The following DCC variants were observed in gnomAD, a reference collection of about 807,000 sequenced individuals.
DCC encodes the protein netrin receptor DCC.
DCC carries 58 observed loss-of-function variants against 172.5 expected under a neutral mutation model. That is an observed-to-expected ratio of 0.34 (90% CI 0.27 to 0.42). The LOEUF is 0.42. DCC is among the 10% of genes least tolerant of loss of function. DCC has a pLI of 1.00. For missense variants in DCC, 1,740 were observed against 1,791.0 expected (o/e 0.97, Z 0.51); for synonymous variants, 709 against 644.5 (o/e 1.10, Z -1.52).
intron 2 of DCC, among the ~76,000 whole-genome samples, chr18:52,904,725 T>G (rs1017134846): frequency 6.6e-6 from 1 of 152,204 alleles, no homozygotes; most frequent in Non-Finnish European, 1.5e-5. Context: ...ATATGATTAG[T>G]AAAACTTGAC....
chr18:53,196,004 C>A lies in DCC; in HGVS notation c.1574-9212C>A, dbSNP rs535658524. Among the ~76,000 whole-genome samples, 129 of 152,224 alleles carry A rather than the reference C, an allele frequency of 8.5e-4. 1 individual carries two copies. Among genetic ancestry groups the A allele is most frequent in the Admixed American group, 2.7e-3 (41 of 15,308 alleles). On this transcript the variant is annotated intron_variant, in intron 9 of 28. Coordinates refer to ENST00000442544, the MANE Select transcript of DCC (RefSeq NM_005215.4). ...TGAACACATAGAAATTATTATTAGA[C>A]TTTAAAATCACGTGGTACTTTTATC...
At chr18:53,497,740 C>T (rs555017290) in intron 26 of DCC, among the ~76,000 whole-genome samples, 1 of 152,294 alleles carries the variant, frequency 6.6e-6, no homozygotes, top group South Asian at 2.1e-4. Flanking sequence ...CATCTGAAAG[C>T]CAACATCACC....
chr18:53,308,903 C>T (rs1461373476), intron 13 of DCC, among the ~76,000 whole-genome samples: 1 of 152,124 alleles, frequency 6.6e-6, no homozygotes, highest in Non-Finnish European at 1.5e-5. Context: ...TGAGAAAGAA[C>T]CCATCCCACA....
intron 1 of DCC, among the ~76,000 whole-genome samples, chr18:52,472,600 T>C (rs1258490379): frequency 6.6e-6 from 1 of 152,198 alleles, no homozygotes; most frequent in Admixed American, 6.6e-5. Flanking sequence ...GTTAACATAT[T>C]TGTATTTCCA....
At chr18:53,112,443 CCACT>C (rs1480628731) in intron 7 of DCC, among the ~76,000 whole-genome samples, 5 of 151,514 alleles carry the variant, frequency 3.3e-5, no homozygotes, top group Non-Finnish European at 5.9e-5. Flanking sequence ...AAGAAACTCG[CCACT>C]CACTCATATA....
intron 9 of DCC, among the ~76,000 whole-genome samples, chr18:53,198,322 C>A (rs908121041): frequency 1.3e-5 from 2 of 151,998 alleles, no homozygotes; most frequent in Admixed American, 6.6e-5. Context: ...GGGGCTTGTT[C>A]ATGGAATCTT....
chr18:52,925,341 T>C lies in DCC; in HGVS notation c.956T>C (p.Ile319Thr). The C allele has an allele frequency of 6.2e-7, 1 of 1,612,568 alleles. No homozygotes were observed. The highest frequency in any genetic ancestry group is 8.5e-7 in the Non-Finnish European group (1 of 1,178,868). ...TCVVTYKNENISASAELTVLV... is the reference protein window; with the variant it reads ...TCVVTYKNENTSASAELTVLV... ...GTTGTCACATATAAAAATGAGAATA[T>C]TAGTGCCTCTGCAGAGCTCACAGTC... is the stretch of plus-strand genomic sequence containing the variant. The change falls in exon 5 of 29, where the codon ATT (isoleucine) becomes ACT (threonine). Residue 319 changes from isoleucine to threonine, a missense_variant. This residue lies in a region of DCC where 1,732 missense variants were observed against 1,767.4 expected (regional missense o/e 0.98). Coordinates refer to ENST00000442544, the MANE Select transcript of DCC (RefSeq NM_005215.4).
chr18:52,594,134 T>C (rs925202445), intron 1 of DCC, among the ~76,000 whole-genome samples: 1 of 152,178 alleles, frequency 6.6e-6, no homozygotes, highest in African/African-American at 2.4e-5. Context: ...TAATAAGTCA[T>C]AGCTCTAGGA....
intron 5 of DCC, among the ~76,000 whole-genome samples, chr18:53,020,398 T>A (rs1436634256): frequency 1.3e-5 from 2 of 152,202 alleles, no homozygotes; most frequent in Non-Finnish European, 2.9e-5. Context: ...AAAATATTTA[T>A]AATAGAATTC....
chr18:53,520,699 G>A (rs574391798), intron 27 of DCC, among the ~76,000 whole-genome samples: 2 of 152,174 alleles, frequency 1.3e-5, no homozygotes, highest in African/African-American at 4.8e-5. Flanking sequence ...TAGGGATGGA[G>A]TTATGCACAA....
intron 5 of DCC, among the ~76,000 whole-genome samples, chr18:52,929,791 CATA>C (rs993499023): frequency 2.0e-5 from 3 of 150,494 alleles, no homozygotes; most frequent in African/African-American, 7.4e-5. Flanking sequence ...CTAACATACA[CATA>C]ATCCAAAGAC....
At chr18:53,201,016 T>G (rs1298132666) in intron 9 of DCC, among the ~76,000 whole-genome samples, 1 of 152,134 alleles carries the variant, frequency 6.6e-6, no homozygotes, top group Non-Finnish European at 1.5e-5. Context: ...CATTTTCTTC[T>G]CCTTTGCCCC....
chr18:52,903,507 G>T (rs2039838780), intron 2 of DCC, among the ~76,000 whole-genome samples: 2 of 152,000 alleles, frequency 1.3e-5, no homozygotes. Flanking sequence ...ATGGATAAAT[G>T]GTTTAAATGC....
chr18:52,810,250 A>ATCT (rs1233299773), intron 2 of DCC, among the ~76,000 whole-genome samples: 4 of 152,158 alleles, frequency 2.6e-5, no homozygotes, highest in African/African-American at 4.8e-5. Context: ...AGATAGAGAC[A>ATCT]TCTAAGGCAG....
chr18:53,511,269 C>T lies in DCC; in HGVS notation c.4111+11759C>T, dbSNP rs112838861. Reference sequence around the variant, plus strand: ...AATCAAGGATTGCAGAGAATCACAGCCTTTTGGAAAATGGTAGGAGTAGGT... The same window carrying T: ...AATCAAGGATTGCAGAGAATCACAGTCTTTTGGAAAATGGTAGGAGTAGGT... On this transcript the variant is annotated intron_variant, in intron 27 of 28. Transcript: ENST00000442544. 2.6e-5 allele frequency among the ~76,000 whole-genome samples: 4 copies of T among 152,268 alleles called. 1 individual carries two copies. In the South Asian group the frequency reaches 6.2e-4, roughly 24 times the overall value.
chr18:52,523,327 G>A (rs181747227), intron 1 of DCC, among the ~76,000 whole-genome samples: 1 of 152,068 alleles, frequency 6.6e-6, no homozygotes, highest in Admixed American at 6.6e-5. Context: ...AAGCACACAA[G>A]TTGATCAAAT....
intron 1 of DCC, among the ~76,000 whole-genome samples, chr18:52,574,734 G>C (rs2033371657): frequency 6.6e-6 from 1 of 152,038 alleles, no homozygotes; most frequent in Non-Finnish European, 1.5e-5. Flanking sequence ...CTTTCTTTTT[G>C]GTTATAGTCC....
chr18:52,357,192 C>G (rs1984407714), intron 1 of DCC, among the ~76,000 whole-genome samples: 1 of 152,198 alleles, frequency 6.6e-6, no homozygotes, highest in East Asian at 1.9e-4. Context: ...TGCCACCTAG[C>G]ACTCAGATCT....
intron 7 of DCC, among the ~76,000 whole-genome samples, chr18:53,075,663 T>C (rs1219309327): frequency 6.6e-6 from 1 of 152,190 alleles, no homozygotes; most frequent in Admixed American, 6.5e-5. Context: ...CTTTCACCTG[T>C]ATATCACCAT....
Sources: gnomAD v4.1 joint callset for allele counts (sites outside exome capture counted in the v4.1 genomes callset) on GRCh38, gnomAD v4.1.1 for gene constraint, gnomAD v4.1.1 regional missense constraint, MANE v1.5 for transcripts, NCBI Gene and HGNC (gene_info 2026-07-23, HGNC 2026-07-21) for gene names.